THRB: variants seen among roughly 807,000 people sequenced by gnomAD.
THRB encodes the protein nuclear receptor subfamily 1 group A member 2.
A neutral mutation model predicts 47.8 loss-of-function variants in THRB; 12 were observed. The observed-to-expected ratio is 0.25, with a 90% CI of 0.16 to 0.41. The LOEUF is 0.41. Among genes scored for constraint, THRB ranks in the 10% least tolerant of loss-of-function variants. The probability of loss-of-function intolerance (pLI) is 1.00; values close to 1 mark genes in which losing one functional copy is unlikely to be tolerated. For synonymous variants in THRB, 218 were observed against 212.2 expected (o/e 1.03, Z -0.24); for missense variants, 348 against 589.2 (o/e 0.59, Z 4.24).
At chr3:24,228,636 GAAA>G (rs11306713) in intron 4 of THRB, among the ~76,000 whole-genome samples, 1 of 85,060 alleles carries the variant, frequency 1.2e-5, no homozygotes. Context: ...ATGTCTCAAA[GAAA>G]AAAAAAAAAA....
intron 5 of THRB, among the ~76,000 whole-genome samples, chr3:24,186,564 A>AT (rs916243791): frequency 2.8e-4 from 43 of 152,346 alleles, no homozygotes; most frequent in African/African-American, 7.7e-4. Flanking sequence ...GGGCTCTTCC[A>AT]TAGCTCTCAT....
chr3:24,221,399 G>C (rs1007151244), intron 4 of THRB, among the ~76,000 whole-genome samples: 2 of 152,174 alleles, frequency 1.3e-5, no homozygotes, highest in African/African-American at 4.8e-5. Context: ...ATTTGTGACT[G>C]TTAGGAAAAA....
chr3:24,203,278 G>C (rs773221604), intron 4 of THRB, among the ~76,000 whole-genome samples: 1 of 152,180 alleles, frequency 6.6e-6, no homozygotes, highest in Non-Finnish European at 1.5e-5. Context: ...GCTGGGTGTG[G>C]TGGCACACAC....
chr3:24,374,005 T>TG (rs2065101595), intron 1 of THRB, among the ~76,000 whole-genome samples: 1 of 151,778 alleles, frequency 6.6e-6, no homozygotes, highest in Admixed American at 6.6e-5. Flanking sequence ...CTGGAGTCTC[T>TG]GTGAATCTGG....
chr3:24,286,902 G>A (rs946944836), intron 3 of THRB, among the ~76,000 whole-genome samples: 1 of 152,210 alleles, frequency 6.6e-6, no homozygotes, highest in Admixed American at 6.5e-5. Flanking sequence ...GAACACGAGA[G>A]TGGGGCTTAA....
At chr3:24,490,671 G>C (rs942959925) in intron 1 of THRB, among the ~76,000 whole-genome samples, 4 of 151,984 alleles carry the variant, frequency 2.6e-5, no homozygotes, top group African/African-American at 9.7e-5. Context: ...ATGGCCATAG[G>C]GTCATTTTCA....
chr3:24,152,603 C>T (rs2149105763), intron 5 of THRB, 113 bp from the exon 6 acceptor site: 1 of 706,442 alleles, frequency 1.4e-6, no homozygotes, highest in Non-Finnish European at 2.6e-6. Flanking sequence ...GAAGAGGTAA[C>T]AACAGTAAAG....
At chr3:24,476,167 A>G (rs1695422669) in intron 1 of THRB, among the ~76,000 whole-genome samples, 1 of 152,242 alleles carries the variant, frequency 6.6e-6, no homozygotes, top group Admixed American at 6.5e-5. Context: ...ACCCTGCTGC[A>G]CAAACCACCT....
At chr3:24,324,234 T>C (rs1339332770) in intron 2 of THRB, among the ~76,000 whole-genome samples, 11 of 152,186 alleles carry the variant, frequency 7.2e-5, no homozygotes, top group African/African-American at 2.7e-4. Context: ...TTTGTTAACT[T>C]TATAGCCTCC....
At chr3:24,426,913 A>C (rs1240746386) in intron 1 of THRB, among the ~76,000 whole-genome samples, 1 of 152,030 alleles carries the variant, frequency 6.6e-6, no homozygotes, top group African/African-American at 2.4e-5. Flanking sequence ...AATACAAATC[A>C]AAAACACTGT....
chr3:24,438,665 G>GA (rs2071230515), intron 1 of THRB, among the ~76,000 whole-genome samples: 1 of 152,146 alleles, frequency 6.6e-6, no homozygotes, highest in African/African-American at 2.4e-5. Context: ...AGACAGAACA[G>GA]AAAACTGAAG....
chr3:24,299,772 T>TTTTTTTTTTTTTTTTC (rs2056781366), intron 2 of THRB, among the ~76,000 whole-genome samples: 1 of 118,608 alleles, frequency 8.4e-6, no homozygotes, highest in African/African-American at 3.4e-5. Context: ...TATGCTTTTT[T>TTTTTTTTTTTTTTTTC]ATTTATTTAT....
chr3:24,190,459 G>C, intron 4 of THRB, 125 bp from the exon 5 acceptor site: 1 of 1,204,668 alleles, frequency 8.3e-7, no homozygotes, highest in Non-Finnish European at 1.2e-6. Context: ...CATGCCACTT[G>C]ACGGGAGTGA....
At chr3:24,157,219 A>G (rs1047149713) in intron 5 of THRB, among the ~76,000 whole-genome samples, 3 of 151,326 alleles carry the variant, frequency 2.0e-5, no homozygotes, top group African/African-American at 7.3e-5. Flanking sequence ...CACCCTGCCT[A>G]CCCCTGCTTG....
At chr3:24,310,323 T>C (rs1206698859) in intron 2 of THRB, among the ~76,000 whole-genome samples, 1 of 152,166 alleles carries the variant, frequency 6.6e-6, no homozygotes, top group Non-Finnish European at 1.5e-5. Flanking sequence ...AAAAATAAAA[T>C]GATGTACTTT....
chr3:24,344,866 T>C lies in THRB; in HGVS notation c.-260-7495A>G, dbSNP rs1419958083. Among the ~76,000 whole-genome samples the C allele has an allele frequency of 6.6e-5, 10 of 152,226 alleles. 1 individual carries two copies. In the South Asian group the frequency reaches 1.0e-3, roughly 16 times the overall value. On this transcript the variant is annotated intron_variant, in intron 1 of 10. Transcript: ENST00000646209. ...AAATTGATTTCATTACCCACTAATATAGCCCAACCACAGTATGAAAAACAC... is the reference window on the plus strand; with the variant it reads ...AAATTGATTTCATTACCCACTAATACAGCCCAACCACAGTATGAAAAACAC...
At chr3:24,479,089 G>A (rs986512278) in intron 1 of THRB, among the ~76,000 whole-genome samples, 2 of 152,148 alleles carry the variant, frequency 1.3e-5, no homozygotes, top group South Asian at 4.1e-4. Context: ...ACGAGGTCAG[G>A]AGATCGAGAC....
At chr3:24,236,799 T>C (rs898508980) in intron 3 of THRB, among the ~76,000 whole-genome samples, 14 of 152,184 alleles carry the variant, frequency 9.2e-5, no homozygotes, top group African/African-American at 2.4e-4. Context: ...CCCAAGTCTA[T>C]AGCATCCTGA....
chr3:24,278,335 C>A (rs1434296867), intron 3 of THRB, among the ~76,000 whole-genome samples: 4 of 152,034 alleles, frequency 2.6e-5, no homozygotes, highest in African/African-American at 9.7e-5. Context: ...ATAATTTGAA[C>A]AGTGTTAAAA....
Sources: allele counts gnomAD v4.1 joint callset (sites outside exome capture counted in the v4.1 genomes callset), GRCh38; gene constraint gnomAD v4.1.1; transcripts MANE v1.5; gene names NCBI Gene and HGNC (gene_info 2026-07-23, HGNC 2026-07-21).